The following LRP1B variants were observed in gnomAD, a reference collection of about 807,000 sequenced individuals.
The protein encoded by LRP1B is low-density lipoprotein receptor-related protein 1B.
Under a neutral mutation model 556.6 loss-of-function variants are expected in LRP1B, and 217 were observed. That is an observed-to-expected ratio of 0.39 (90% CI 0.35 to 0.44). LRP1B has a LOEUF of 0.44. Ranked by LOEUF, LRP1B falls within the 20% of genes least tolerant of loss-of-function variation. LRP1B has a pLI of 1.00. For missense variants in LRP1B, 5,053 were observed against 5,620.8 expected (o/e 0.90, Z 3.23); for synonymous variants, 2,047 against 1,865.8 (o/e 1.10, Z -2.50).
chr2:141,515,695 A>ATT (rs1389539349), intron 2 of LRP1B, among the ~76,000 whole-genome samples: 2 of 152,170 alleles, frequency 1.3e-5, no homozygotes, highest in African/African-American at 4.8e-5. Flanking sequence ...ATATGTATGT[A>ATT]TTTCTTAAGC....
intron 7 of LRP1B, among the ~76,000 whole-genome samples, chr2:141,129,572 T>G (rs12622549): frequency 0.043 from 4,912 of 114,134 alleles, 108 homozygotes; most frequent in East Asian, 0.18. Context: ...GTAGTGTGTG[T>G]GGGGGGAGGG....
At chr2:141,423,219 T>A (rs16846077) in intron 3 of LRP1B, among the ~76,000 whole-genome samples, 28,023 of 151,548 alleles carry the variant, frequency 0.18, 3,465 homozygotes, top group East Asian at 0.45. Flanking sequence ...TTGGCTGATG[T>A]ACATGACTAT....
intron 1 of LRP1B, among the ~76,000 whole-genome samples, chr2:141,863,967 G>A (rs1698329323): frequency 6.6e-6 from 1 of 152,100 alleles, no homozygotes; most frequent in Admixed American, 6.5e-5. Context: ...GGTAGTTGAT[G>A]TAATCTGATG....
Position 140,522,678 on chromosome 2 carries a change from C to CA in LRP1B, c.8026+3165dup, listed in dbSNP as rs70988403. On this transcript the variant is annotated intron_variant, in intron 49 of 90. Coordinates refer to ENST00000389484, the MANE Select transcript of LRP1B (RefSeq NM_018557.3). ...GTTGATGGACCGCTTGCTAGATTAA[C>CA]AAAAAAAAAAGAGATAAGTCTAAAA... Among the ~76,000 whole-genome samples the CA allele has an allele frequency of 3.0e-3, 455 of 151,210 alleles. 2 individuals are homozygous for CA. Among genetic ancestry groups the CA allele is most frequent in the African/African-American group, 0.011 (440 of 41,164 alleles).
intron 32 of LRP1B, among the ~76,000 whole-genome samples, chr2:140,796,463 C>T (rs532691766): frequency 6.6e-6 from 1 of 152,154 alleles, no homozygotes; most frequent in East Asian, 1.9e-4. Context: ...GGAGATTTCA[C>T]ATAGTACTTT....
At chr2:140,463,006 G>T (rs1242054397) in intron 60 of LRP1B, among the ~76,000 whole-genome samples, 1 of 151,704 alleles carries the variant, frequency 6.6e-6, no homozygotes, top group African/African-American at 2.4e-5. Flanking sequence ...AGCATAGTGT[G>T]AAAAACAAAA....
chr2:141,637,117 A>G (rs1221933058), intron 2 of LRP1B, among the ~76,000 whole-genome samples: 1 of 152,178 alleles, frequency 6.6e-6, no homozygotes, highest in Non-Finnish European at 1.5e-5. Context: ...CAGAAAACGC[A>G]CAGAGTTAAT....
chr2:141,122,433 G>A (rs199834789), intron 7 of LRP1B, among the ~76,000 whole-genome samples: 1 of 150,516 alleles, frequency 6.6e-6, no homozygotes, highest in Non-Finnish European at 1.5e-5. Flanking sequence ...TCAAAAAGTG[G>A]GCAAAGGATA....
At chr2:141,153,829 A>G (rs549057213) in intron 7 of LRP1B, among the ~76,000 whole-genome samples, 1 of 151,272 alleles carries the variant, frequency 6.6e-6, no homozygotes, top group African/African-American at 2.4e-5. Flanking sequence ...TTAAATATAT[A>G]GGGAAGACAG....
intron 3 of LRP1B, among the ~76,000 whole-genome samples, chr2:141,455,641 T>C (rs1335644158): frequency 4.6e-5 from 7 of 152,250 alleles, no homozygotes; most frequent in Non-Finnish European, 1.0e-4. Context: ...CAAGAATGCA[T>C]TGCGTATCCT....
intron 3 of LRP1B, among the ~76,000 whole-genome samples, chr2:141,334,778 C>T (rs1440547004): frequency 6.6e-6 from 1 of 152,166 alleles, no homozygotes; most frequent in East Asian, 1.9e-4. Flanking sequence ...TCTTGAACTC[C>T]TGACCTCAGA....
At chr2:141,865,947 T>C (rs949254049) in intron 1 of LRP1B, among the ~76,000 whole-genome samples, 2 of 152,226 alleles carry the variant, frequency 1.3e-5, no homozygotes, top group Admixed American at 6.5e-5. Context: ...CAAAATCTTC[T>C]GGAGCAGTAG....
intron 35 of LRP1B, among the ~76,000 whole-genome samples, chr2:140,751,705 T>A (rs1428393243): frequency 6.6e-6 from 1 of 152,152 alleles, no homozygotes; most frequent in Non-Finnish European, 1.5e-5. Context: ...AGACAGCATC[T>A]CCCTCAATAA....
In LRP1B at chr2:142,035,293, C is replaced by G. The variant is rs558549613; in HGVS notation, c.82+95355G>C. Among the ~76,000 whole-genome samples, 10 of 151,722 alleles carry G rather than the reference C, an allele frequency of 6.6e-5. No homozygotes were observed. The South Asian group carries it at 1.9e-3, about 28-fold the overall frequency. Reference sequence around the variant, plus strand: ...GGTGCAGATGCTATATTAAGAAACACTATGGCGATACTCCAGCTATTTGAA... The same window carrying G: ...GGTGCAGATGCTATATTAAGAAACAGTATGGCGATACTCCAGCTATTTGAA... On this transcript the variant is annotated intron_variant, in intron 1 of 90. Transcript: ENST00000389484.
intron 7 of LRP1B, among the ~76,000 whole-genome samples, chr2:141,157,963 A>G (rs1006829144): frequency 6.6e-6 from 1 of 152,162 alleles, no homozygotes; most frequent in African/African-American, 2.4e-5. Flanking sequence ...TTGCTTGTTT[A>G]GTGTATCTAC....
At chr2:141,145,614 A>T (rs958135413) in intron 7 of LRP1B, among the ~76,000 whole-genome samples, 1 of 151,006 alleles carries the variant, frequency 6.6e-6, no homozygotes, top group Admixed American at 6.6e-5. Flanking sequence ...GCTCACTGCA[A>T]CCTCTGCCTC....
chr2:141,285,455 CTTT>C (rs1170251213), intron 3 of LRP1B, among the ~76,000 whole-genome samples: 98 of 110,614 alleles, frequency 8.9e-4, no homozygotes, highest in African/African-American at 3.3e-3. Context: ...ATTTTTTTTT[CTTT>C]TTTTTTTTTT....
At chr2:140,951,338 A>G (rs1695708900) in intron 19 of LRP1B, among the ~76,000 whole-genome samples, 1 of 152,146 alleles carries the variant, frequency 6.6e-6, no homozygotes, top group African/African-American at 2.4e-5. Flanking sequence ...CTGTGAAGGA[A>G]AATTAGATCA....
chr2:142,109,128 A>T (rs1318403430), intron 1 of LRP1B, among the ~76,000 whole-genome samples: 1 of 152,200 alleles, frequency 6.6e-6, no homozygotes, highest in Non-Finnish European at 1.5e-5. Context: ...TCAGAGACAA[A>T]TATCTCAATT....
Sources: allele counts gnomAD v4.1 joint callset (sites outside exome capture counted in the v4.1 genomes callset), GRCh38; gene constraint gnomAD v4.1.1; transcripts MANE v1.5; gene names NCBI Gene and HGNC (gene_info 2026-07-23, HGNC 2026-07-21).